Variants in SLIT3 observed in about 807,000 individuals in gnomAD.
The protein encoded by SLIT3 is slit homolog 3 protein.
In SLIT3, 68 loss-of-function variants were observed where a neutral mutation model predicts 184.0. That is an observed-to-expected ratio of 0.37 (90% CI 0.30 to 0.45). The LOEUF is 0.45. Ranked by LOEUF, SLIT3 falls within the 20% of genes least tolerant of loss-of-function variation. The pLI is 1.00. For synonymous variants in SLIT3, 831 were observed against 828.6 expected (o/e 1.00, Z -0.05); for missense variants, 1,707 against 2,026.0 (o/e 0.84, Z 3.02).
intron 4 of SLIT3, among the ~76,000 whole-genome samples, chr5:168,945,529 C>A (rs1024111514): frequency 1.3e-5 from 2 of 152,368 alleles, no homozygotes; most frequent in South Asian, 2.1e-4. Flanking sequence ...AGCCACCACG[C>A]CCGGCCCAGT....
chr5:168,975,713 T>A (rs1754731229), intron 4 of SLIT3, among the ~76,000 whole-genome samples: 1 of 152,194 alleles, frequency 6.6e-6, no homozygotes, highest in African/African-American at 2.4e-5. Context: ...CTTCCCTGGA[T>A]TTTCCCCTTT....
chr5:169,186,026 AT>A (rs1202247434), intron 4 of SLIT3, among the ~76,000 whole-genome samples: 2 of 152,214 alleles, frequency 1.3e-5, no homozygotes, highest in African/African-American at 4.8e-5. Context: ...AAGTGACAGA[AT>A]ATAGGTGAAG....
intron 18 of SLIT3, among the ~76,000 whole-genome samples, chr5:168,751,198 G>A (rs1754689136): frequency 6.6e-6 from 1 of 152,148 alleles, no homozygotes; most frequent in African/African-American, 2.4e-5. Flanking sequence ...CAGATGACGT[G>A]GGGCCGGCCT....
intron 5 of SLIT3, among the ~76,000 whole-genome samples, chr5:168,882,774 G>C (rs1453041284): frequency 2.0e-5 from 3 of 152,180 alleles, no homozygotes; most frequent in African/African-American, 7.2e-5. Context: ...TTCCTGGGAT[G>C]TAAGTCCCCA....
chr5:168,669,670 C>T (rs1761174018), intron 35 of SLIT3, 113 bp downstream of exon 35: 2 of 822,534 alleles, frequency 2.4e-6, no homozygotes, highest in Admixed American at 4.3e-5. Context: ...AGTGACTGAA[C>T]CAAGGTCATG....
intron 13 of SLIT3, among the ~76,000 whole-genome samples, chr5:168,773,241 C>T (rs1755624950): frequency 6.6e-6 from 1 of 152,090 alleles, no homozygotes. Flanking sequence ...CTCACCCACG[C>T]CAATTCTGAC....
Position 168,833,612 on chromosome 5 carries a change from T to G in SLIT3, c.558-10281A>C, listed in dbSNP as rs17635401. Among the ~76,000 whole-genome samples the G allele has an allele frequency of 3.7e-3, 564 of 152,338 alleles. 2 individuals carry two copies. The highest frequency in any genetic ancestry group is 0.01 in the Middle Eastern group (3 of 294). On this transcript the variant is annotated intron_variant, in intron 6 of 35. Coordinates refer to ENST00000519560, the MANE Select transcript of SLIT3 (RefSeq NM_003062.4). ...CTCATGCTGAATGCAAAACGTTCCC[T>G]CTAGCAAAATGCTAGAGATTAAAAG...
At chr5:169,027,700 G>A (rs868495187) in intron 4 of SLIT3, among the ~76,000 whole-genome samples, 1 of 152,190 alleles carries the variant, frequency 6.6e-6, no homozygotes, top group Non-Finnish European at 1.5e-5. Flanking sequence ...AGGCAGGCGA[G>A]GGACGTCACT....
intron 4 of SLIT3, among the ~76,000 whole-genome samples, chr5:169,186,880 AC>A (rs1446633930): frequency 6.6e-6 from 1 of 151,366 alleles, no homozygotes; most frequent in Non-Finnish European, 1.5e-5. Flanking sequence ...TACCATGATA[AC>A]AGCGCCAGTG....
At chr5:168,686,310 G>A (rs1215179936) in intron 30 of SLIT3, among the ~76,000 whole-genome samples, 2 of 152,140 alleles carry the variant, frequency 1.3e-5, no homozygotes, top group Admixed American at 1.3e-4. Context: ...TTGCCTGGGG[G>A]TGATTTCTTA....
chr5:168,776,240 C>T (rs1361364817), intron 12 of SLIT3, among the ~76,000 whole-genome samples: 2 of 152,274 alleles, frequency 1.3e-5, no homozygotes, highest in Admixed American at 6.5e-5. Context: ...GGGCCTCATA[C>T]TCCCCACGGT....
chr5:169,276,556 C>T (rs1347916534), intron 1 of SLIT3, among the ~76,000 whole-genome samples: 1 of 152,136 alleles, frequency 6.6e-6, no homozygotes, highest in Non-Finnish European at 1.5e-5. Flanking sequence ...AACAATTTAC[C>T]CTCCCTCAAA....
chr5:169,082,250 T>C (rs555794386), intron 4 of SLIT3, among the ~76,000 whole-genome samples: 1 of 152,328 alleles, frequency 6.6e-6, no homozygotes, highest in East Asian at 1.9e-4. Context: ...TTCAACTTTT[T>C]CTATTTTCCC....
At chr5:169,054,524 T>C (rs1291153273) in intron 4 of SLIT3, among the ~76,000 whole-genome samples, 2 of 152,162 alleles carry the variant, frequency 1.3e-5, no homozygotes, top group African/African-American at 2.4e-5. Flanking sequence ...TCTGTCTCCT[T>C]TGTTTTCTCC....
chr5:168,853,206 A>G (rs2938766), intron 5 of SLIT3, among the ~76,000 whole-genome samples: 78,342 of 151,998 alleles, frequency 0.52, 21,290 homozygotes, highest in African/African-American at 0.69. Flanking sequence ...CTGCTATTAC[A>G]AGATTGAAAT....
chr5:169,153,817 T>A (rs1346948264), intron 4 of SLIT3, among the ~76,000 whole-genome samples: 1 of 152,190 alleles, frequency 6.6e-6, no homozygotes, highest in Non-Finnish European at 1.5e-5. Context: ...CTCCTTGAAC[T>A]CTAGTTCTGG....
intron 3 of SLIT3, among the ~76,000 whole-genome samples, chr5:169,198,054 A>G (rs1763795473): frequency 6.6e-6 from 1 of 152,208 alleles, no homozygotes; most frequent in South Asian, 2.1e-4. Flanking sequence ...CCATCTATGC[A>G]TCAACCAACC....
chr5:168,960,667 G>C (rs114397827), intron 4 of SLIT3, among the ~76,000 whole-genome samples: 1,899 of 152,292 alleles, frequency 0.012, 37 homozygotes, highest in African/African-American at 0.042. Context: ...TTCTTGGGTT[G>C]GATGACAGCT....
chr5:169,065,020 G>C (rs1758301718), intron 4 of SLIT3, among the ~76,000 whole-genome samples: 1 of 152,218 alleles, frequency 6.6e-6, no homozygotes, highest in Admixed American at 6.5e-5. Context: ...TGCCTTTGAG[G>C]AAGGTATGGA....
Sources: allele counts gnomAD v4.1 joint callset (sites outside exome capture counted in the v4.1 genomes callset), GRCh38; gene constraint gnomAD v4.1.1; transcripts MANE v1.5; gene names NCBI Gene and HGNC (gene_info 2026-07-23, HGNC 2026-07-21).